The following P3H2 variants were observed in gnomAD, a reference collection of about 807,000 sequenced individuals.
P3H2 encodes leprecan-like 1.
P3H2 carries 80 observed loss-of-function variants against 87.0 expected under a neutral mutation model. The ratio of observed to expected loss-of-function variants is 0.92; its 90% confidence interval spans 0.77 to 1.11. The LOEUF (loss-of-function observed/expected upper bound fraction) is 1.11. Among genes scored for constraint, P3H2 ranks in the 50% least tolerant of loss-of-function variants. The pLI is 0.00. For synonymous variants in P3H2, 367 were observed against 359.3 expected (o/e 1.02, Z -0.24); for missense variants, 1,001 against 923.9 (o/e 1.08, Z -1.08).
intron 1 of P3H2, among the ~76,000 whole-genome samples, chr3:190,038,278 G>C (rs983120869): frequency 6.7e-5 from 10 of 148,704 alleles, no homozygotes; most frequent in African/African-American, 2.2e-4. Context: ...AAGGAAACCT[G>C]ATTGGCTGCA....
chr3:190,038,013 CTA>C (rs1297643618), intron 1 of P3H2, among the ~76,000 whole-genome samples: 1 of 152,100 alleles, frequency 6.6e-6, no homozygotes, highest in Non-Finnish European at 1.5e-5. Flanking sequence ...GTGATGAAAA[CTA>C]TCTTTTTAGA....
At chr3:189,997,941 T>C (rs1235857357) in intron 1 of P3H2, among the ~76,000 whole-genome samples, 1 of 152,176 alleles carries the variant, frequency 6.6e-6, no homozygotes, top group African/African-American at 2.4e-5. Flanking sequence ...GAAAAAGTTG[T>C]TTAAACACTG....
intron 8 of P3H2, among the ~76,000 whole-genome samples, chr3:189,976,048 T>A (rs1359459448): frequency 6.6e-6 from 1 of 151,008 alleles, no homozygotes; most frequent in Non-Finnish European, 1.5e-5. Context: ...TAAATTCCAA[T>A]CAACAAATGG....
intron 1 of P3H2, among the ~76,000 whole-genome samples, chr3:190,002,222 T>C (rs1418803615): frequency 1.3e-5 from 2 of 152,076 alleles, no homozygotes; most frequent in Non-Finnish European, 2.9e-5. Flanking sequence ...AATTCAGTTA[T>C]AAGAAAAAAC....
At chr3:190,045,469 C>A (rs1361467014) in intron 1 of P3H2, among the ~76,000 whole-genome samples, 1 of 151,990 alleles carries the variant, frequency 6.6e-6, no homozygotes, top group Non-Finnish European at 1.5e-5. Context: ...ATTTTTCCTT[C>A]CCCCCAACCA....
intron 8 of P3H2, among the ~76,000 whole-genome samples, chr3:189,976,413 G>A (rs940085187): frequency 7.9e-5 from 12 of 152,232 alleles, no homozygotes; most frequent in African/African-American, 2.7e-4. Flanking sequence ...TGGCAGGCAA[G>A]AGAGCTTGTG....
intron 1 of P3H2, among the ~76,000 whole-genome samples, chr3:190,020,904 G>A (rs1263560179): frequency 7.4e-6 from 1 of 134,268 alleles, no homozygotes; most frequent in African/African-American, 2.6e-5. Flanking sequence ...GGTAAAAGCT[G>A]GATGGCTATG....
chr3:190,066,158 T>TATATATATATATATACACACACAC (rs1256956930), intron 1 of P3H2, among the ~76,000 whole-genome samples: 234 of 134,556 alleles, frequency 1.7e-3, no homozygotes, highest in Middle Eastern at 3.9e-3. Flanking sequence ...TATATATATA[T>TATATATATATATATACACACACAC]ACACACACAC....
chr3:190,029,691 T>C (rs1278700044), intron 1 of P3H2, among the ~76,000 whole-genome samples: 1 of 152,194 alleles, frequency 6.6e-6, no homozygotes, highest in African/African-American at 2.4e-5. Flanking sequence ...AAATGTATCA[T>C]TATTTGAGGA....
In P3H2 at chr3:189,957,724, G is replaced by A. The variant is rs1253149128; in HGVS notation, c.*188C>T. The A allele has an allele frequency of 2.2e-5, 13 of 604,264 alleles. No individual in the cohort carries two copies. The highest frequency in any genetic ancestry group is 4.4e-4 in the Middle Eastern group (1 of 2,252). 37.4% of individuals were successfully genotyped at this position (604,264 alleles called of 1,614,324 possible). On this transcript the variant is annotated 3_prime_UTR_variant, in exon 15 of 15. Coordinates refer to ENST00000319332, the MANE Select transcript of P3H2 (RefSeq NM_018192.4). ...GAAGAGAGAGAGAGAGAGAGAGAGA[G>A]AAAACAACCCAAAACAAGAAAGATA...
At position 189,971,637 on chromosome 3, in the gene P3H2, A is replaced by G. The variant is rs759385969; in HGVS notation, c.1817+253T>C. 1.2e-3 allele frequency: 546 copies of G among 451,426 alleles called. 1 individual carries two copies. Among genetic ancestry groups the G allele is most frequent in the Non-Finnish European group, 1.7e-3 (427 of 245,032 alleles). The allele number at this position is 451,426 out of a possible 1,614,324, so 28.0% of individuals were successfully genotyped here. A position where few individuals can be genotyped will look rare whatever the true frequency, so the allele number is the denominator to read the frequency against. On this transcript the variant is annotated intron_variant, in intron 12 of 14. Coordinates refer to ENST00000319332, the MANE Select transcript of P3H2 (RefSeq NM_018192.4). ...AGAACAGGAATTTTTTTAAAAGAAC[A>G]TAAAATTTACTTTTCATATTAAAAC...
At chr3:189,995,556 G>GGTTTTTTT (rs10645374) in intron 1 of P3H2, 114 bp from the exon 2 acceptor site, 13 of 839,744 alleles carry the variant, frequency 1.5e-5, no homozygotes, top group African/African-American at 3.6e-5. Flanking sequence ...AGGAGCCTTG[G>GGTTTTTTT]TTTTTTTTTT....
At chr3:190,014,112 T>A (rs561173288) in intron 1 of P3H2, among the ~76,000 whole-genome samples, 1 of 152,218 alleles carries the variant, frequency 6.6e-6, no homozygotes, top group Non-Finnish European at 1.5e-5. Flanking sequence ...GAATGATTCA[T>A]GAAGAATGTA....
chr3:189,969,201 G>A, intron 13 of P3H2: 1 of 718,316 alleles, frequency 1.4e-6, no homozygotes. Flanking sequence ...CCTTCCAGCA[G>A]TCATAATCTG....
intron 1 of P3H2, among the ~76,000 whole-genome samples, chr3:190,006,499 T>C (rs1027377328): frequency 6.6e-6 from 1 of 152,210 alleles, no homozygotes; most frequent in African/African-American, 2.4e-5. Flanking sequence ...ATGACAAGTG[T>C]CTGAGGATAC....
chr3:190,007,793 A>T (rs1245652686), intron 1 of P3H2, among the ~76,000 whole-genome samples: 1 of 139,470 alleles, frequency 7.2e-6, no homozygotes, highest in Admixed American at 7.3e-5. Context: ...ACATTTCTTT[A>T]GGATACAGCG....
rs1395714325 is a variant in P3H2 at position 189,979,249 on chromosome 3, C to T, written c.1324+3797G>A. Among the ~76,000 whole-genome samples, 3 of 145,786 alleles carry T rather than the reference C, an allele frequency of 2.1e-5. No individual in the cohort carries two copies. In the Admixed American group the frequency reaches 2.2e-4, roughly 11 times the overall value. ...GACCAGCCTGGGCAACACAGTGAAA[C>T]CCCATCTCTACTAAAACACAAAAAA... On this transcript the variant is annotated intron_variant, in intron 8 of 14. Coordinates refer to ENST00000319332, the MANE Select transcript of P3H2 (RefSeq NM_018192.4).
At chr3:190,010,536 A>AGG (rs1397513520) in intron 1 of P3H2, among the ~76,000 whole-genome samples, 1 of 141,214 alleles carries the variant, frequency 7.1e-6, no homozygotes, top group African/African-American at 3.1e-5. Context: ...GAGAGACACC[A>AGG]GGAGAACGAG....
chr3:190,042,675 C>T lies in P3H2; in HGVS notation c.481-47233G>A, dbSNP rs1010246638. On this transcript the variant is annotated intron_variant, in intron 1 of 14. Coordinates refer to ENST00000319332, the MANE Select transcript of P3H2 (RefSeq NM_018192.4). ...CATCATTTCCAGTCCCTACAGTAAA[C>T]CTTTTGACCTGAATTCAAAGGAATG... Among the ~76,000 whole-genome samples, 3 of 152,140 alleles carry T rather than the reference C, an allele frequency of 2.0e-5. No homozygotes were observed. The East Asian group carries it at 5.8e-4, about 29-fold the overall frequency.
Sources: gnomAD v4.1 joint callset for allele counts (sites outside exome capture counted in the v4.1 genomes callset) on GRCh38, gnomAD v4.1.1 for gene constraint, MANE v1.5 for transcripts, NCBI Gene and HGNC (gene_info 2026-07-23, HGNC 2026-07-21) for gene names.